Variants in ARHGAP15 observed in about 807,000 individuals in gnomAD.
ARHGAP15 encodes the protein Rho GTPase activating protein 15.
ARHGAP15 carries 51 observed loss-of-function variants against 63.7 expected under a neutral mutation model. The ratio of observed to expected loss-of-function variants is 0.80; its 90% CI spans 0.64 to 1.01. The LOEUF (loss-of-function observed/expected upper bound fraction) is 1.01. Ranked by LOEUF, ARHGAP15 falls within the 50% of genes least tolerant of loss-of-function variation. The pLI, the probability that ARHGAP15 is intolerant of heterozygous loss-of-function variation, is 0.00. For synonymous variants in ARHGAP15, 191 were observed against 193.8 expected (o/e 0.99, Z 0.12); for missense variants, 560 against 564.6 (o/e 0.99, Z 0.08).
At chr2:143,365,301 C>A (rs1328384783) in intron 6 of ARHGAP15, among the ~76,000 whole-genome samples, 1 of 152,158 alleles carries the variant, frequency 6.6e-6, no homozygotes, top group Admixed American at 6.5e-5. Flanking sequence ...CTAACCTGAG[C>A]CATCTATTAG....
chr2:143,650,569 C>G (rs1043519727), intron 12 of ARHGAP15, among the ~76,000 whole-genome samples: 1 of 151,914 alleles, frequency 6.6e-6, no homozygotes, highest in African/African-American at 2.4e-5. Flanking sequence ...ACTGCACCCA[C>G]TAAGTATTCT....
chr2:143,539,939 T>G (rs373224803), intron 10 of ARHGAP15, among the ~76,000 whole-genome samples: 4 of 151,310 alleles, frequency 2.6e-5, no homozygotes, highest in South Asian at 2.1e-4. Context: ...TATCCTTGTT[T>G]ACTTTCTGTC....
chr2:143,679,683 GTA>G (rs1183385254), intron 12 of ARHGAP15, among the ~76,000 whole-genome samples: 1 of 148,300 alleles, frequency 6.7e-6, no homozygotes, highest in African/African-American at 2.5e-5. Flanking sequence ...GTGTGTGTGT[GTA>G]TGTGTGTGTG....
chr2:143,172,336 G>A (rs1690819049), intron 2 of ARHGAP15, among the ~76,000 whole-genome samples: 1 of 152,016 alleles, frequency 6.6e-6, no homozygotes, highest in Non-Finnish European at 1.5e-5. Context: ...GATCACACAG[G>A]GCTTTGCAGT....
intron 1 of ARHGAP15, among the ~76,000 whole-genome samples, chr2:143,131,858 T>C (rs1688929629): frequency 6.6e-6 from 1 of 151,926 alleles, no homozygotes; most frequent in South Asian, 2.1e-4. Context: ...AGAGGGAGAG[T>C]GTTTTGTTAA....
At chr2:143,237,565 T>G (rs1167205351) in intron 5 of ARHGAP15, 1 of 152,164 alleles carries the variant, frequency 6.6e-6, no homozygotes. Context: ...AACCTACTGG[T>G]GCTTCCATCT....
intron 9 of ARHGAP15, among the ~76,000 whole-genome samples, chr2:143,508,782 G>A (rs867265580): frequency 1.3e-5 from 2 of 152,282 alleles, no homozygotes; most frequent in East Asian, 3.9e-4. Context: ...CTTCCTGGCT[G>A]GTGTAATCAC....
At chr2:143,344,137 C>A (rs887649397) in intron 6 of ARHGAP15, 3 of 152,108 alleles carry the variant, frequency 2.0e-5, no homozygotes, top group Non-Finnish European at 4.4e-5. Context: ...CAATAACACA[C>A]CTTTTATTCT....
intron 6 of ARHGAP15, among the ~76,000 whole-genome samples, chr2:143,336,817 T>C (rs997919265): frequency 6.6e-6 from 1 of 152,216 alleles, no homozygotes; most frequent in African/African-American, 2.4e-5. Context: ...TGCTTTCTTT[T>C]TGAATTATTG....
intron 6 of ARHGAP15, among the ~76,000 whole-genome samples, chr2:143,415,196 CTCAT>C (rs1688622331): frequency 6.6e-6 from 1 of 152,030 alleles, no homozygotes; most frequent in African/African-American, 2.4e-5. Context: ...AAGTGATCAT[CTCAT>C]TCATTGTTTA....
chr2:143,306,957 G>A (rs575800540), intron 6 of ARHGAP15, among the ~76,000 whole-genome samples: 3 of 152,170 alleles, frequency 2.0e-5, no homozygotes, highest in East Asian at 3.9e-4. Context: ...AGGGTCTCAC[G>A]AAGTTGCTAT....
intron 8 of ARHGAP15, among the ~76,000 whole-genome samples, chr2:143,448,010 G>T (rs956389047): frequency 1.3e-5 from 2 of 152,174 alleles, no homozygotes; most frequent in African/African-American, 4.8e-5. Context: ...GAGAGCCAGG[G>T]AAGAGAACAT....
intron 5 of ARHGAP15, chr2:143,237,392 A>C (rs2104936395): frequency 6.6e-6 from 1 of 152,286 alleles, no homozygotes; most frequent in South Asian, 2.1e-4. Context: ...TTCACTGACA[A>C]AATATTTTGA....
rs141914650 is a variant in ARHGAP15 at position 143,317,757 on chromosome 2, A to G, written c.474+67157A>G. Among the ~76,000 whole-genome samples, 35 of 152,324 alleles carry G rather than the reference A, an allele frequency of 2.3e-4. No homozygotes were observed. In the East Asian group the frequency reaches 6.8e-3, roughly 29 times the overall value. ...TTGGGGGGATTCATGTAAAGGCAAC[A>G]TACAGGATGGACTGGATTAAGAGGC... is the stretch of plus-strand genomic sequence containing the variant. On this transcript the variant is annotated intron_variant, in intron 6 of 13. Transcript: ENST00000295095.
At chr2:143,763,221 G>A (rs1424739592) in intron 13 of ARHGAP15, among the ~76,000 whole-genome samples, 1 of 152,052 alleles carries the variant, frequency 6.6e-6, no homozygotes, top group African/African-American at 2.4e-5. Flanking sequence ...TAATTTTGCA[G>A]GATAGTATTC....
At chr2:143,408,201 A>G (rs1341665412) in intron 6 of ARHGAP15, among the ~76,000 whole-genome samples, 1 of 148,940 alleles carries the variant, frequency 6.7e-6, no homozygotes, top group Non-Finnish European at 1.5e-5. Flanking sequence ...TTTTCTTTGG[A>G]CAGTCTCTCT....
chr2:143,382,285 C>A (rs748892951), intron 6 of ARHGAP15, among the ~76,000 whole-genome samples: 2 of 152,106 alleles, frequency 1.3e-5, no homozygotes, highest in South Asian at 4.1e-4. Context: ...GGAGGCTAGA[C>A]ATCTGAAATC....
Position 143,556,636 on chromosome 2 carries a change from G to T in ARHGAP15, c.1003+151G>T. ...TTTAAAAATTATCAGAAAAGTAAAA[G>T]ATAACCAACTAGTTTATCTAGAAAA... On this transcript the variant is annotated intron_variant, in intron 11 of 13. Transcript: ENST00000295095. 5.5e-6 allele frequency: 3 copies of T among 541,604 alleles called. No individual in the cohort carries two copies. The Admixed American group carries it at 1.1e-4, about 19-fold the overall frequency. 33.5% of individuals were successfully genotyped at this position (541,604 alleles called of 1,614,324 possible).
intron 2 of ARHGAP15, among the ~76,000 whole-genome samples, chr2:143,194,377 G>A (rs1691802346): frequency 6.6e-6 from 1 of 152,126 alleles, no homozygotes. Flanking sequence ...GAGTGAAAGA[G>A]ATTAATAAGT....
Sources: allele counts gnomAD v4.1 joint callset (sites outside exome capture counted in the v4.1 genomes callset), GRCh38; gene constraint gnomAD v4.1.1; transcripts MANE v1.5; gene names NCBI Gene and HGNC (gene_info 2026-07-23, HGNC 2026-07-21).